Variants in ERBB4 observed in about 807,000 individuals in gnomAD.
ERBB4 encodes the protein receptor tyrosine-protein kinase erbB-4.
ERBB4 carries 42 observed loss-of-function variants against 158.0 expected under a neutral mutation model. The ratio of observed to expected loss-of-function variants is 0.27; its 90% CI spans 0.21 to 0.34. The LOEUF (loss-of-function observed/expected upper bound fraction) is 0.34, where lower values mean the gene tolerates loss of function less well. Ranked by LOEUF, ERBB4 falls within the 10% of genes least tolerant of loss-of-function variation. The pLI is 1.00. For synonymous variants in ERBB4, 583 were observed against 558.7 expected (o/e 1.04, Z -0.61); for missense variants, 1,333 against 1,624.1 (o/e 0.82, Z 3.08).
At chr2:212,151,319 A>G (rs946535277) in intron 1 of ERBB4, among the ~76,000 whole-genome samples, 1 of 151,074 alleles carries the variant, frequency 6.6e-6, no homozygotes, top group Non-Finnish European at 1.5e-5. Flanking sequence ...ATAGCAATAT[A>G]TAAGTGCTTT....
At chr2:211,877,376 AT>A (rs1559602887) in intron 3 of ERBB4, among the ~76,000 whole-genome samples, 2 of 152,146 alleles carry the variant, frequency 1.3e-5, no homozygotes, top group African/African-American at 4.8e-5. Context: ...AAAGAAATAT[AT>A]TTTTATTTAA....
chr2:211,932,811 C>A (rs1254312054), intron 3 of ERBB4, among the ~76,000 whole-genome samples: 1 of 151,882 alleles, frequency 6.6e-6, no homozygotes, highest in Admixed American at 6.6e-5. Context: ...TAAAGTTACA[C>A]TAAATCTCTC....
intron 4 of ERBB4, among the ~76,000 whole-genome samples, chr2:211,758,951 C>T (rs1450969628): frequency 1.3e-5 from 2 of 152,310 alleles, no homozygotes; most frequent in Non-Finnish European, 2.9e-5. Context: ...CAACTGCTTA[C>T]GAACCATCTC....
chr2:212,260,506 T>C (rs1162995094), intron 1 of ERBB4, among the ~76,000 whole-genome samples: 2 of 152,128 alleles, frequency 1.3e-5, no homozygotes, highest in Admixed American at 6.6e-5. Flanking sequence ...TTGTAAGTAA[T>C]GGTGATGGTA....
intron 1 of ERBB4, among the ~76,000 whole-genome samples, chr2:212,213,251 G>C (rs1382560200): frequency 6.6e-6 from 1 of 151,754 alleles, no homozygotes; most frequent in African/African-American, 2.4e-5. Context: ...AAGTGGGAAA[G>C]GGATATGAAC....
intron 20 of ERBB4, among the ~76,000 whole-genome samples, chr2:211,518,828 G>A (rs146534357): frequency 6.6e-6 from 1 of 152,092 alleles, no homozygotes; most frequent in Non-Finnish European, 1.5e-5. Context: ...GGGTTTTTTT[G>A]TCAGGCTTAA....
intron 1 of ERBB4, among the ~76,000 whole-genome samples, chr2:212,477,944 C>A (rs764680123): frequency 6.6e-6 from 1 of 152,044 alleles, no homozygotes; most frequent in Non-Finnish European, 1.5e-5. Context: ...TGTTTACCTG[C>A]TTATTTTTAG....
chr2:211,459,896 C>T (rs893738255), intron 20 of ERBB4, among the ~76,000 whole-genome samples: 4 of 152,156 alleles, frequency 2.6e-5, no homozygotes, highest in African/African-American at 9.6e-5. Context: ...AATATATACA[C>T]ACATCGTGCA....
At chr2:212,044,486 G>T (rs1166394697) in intron 2 of ERBB4, among the ~76,000 whole-genome samples, 1 of 151,998 alleles carries the variant, frequency 6.6e-6, no homozygotes, top group African/African-American at 2.4e-5. Flanking sequence ...CAGAGTTACT[G>T]TATTTCCTTC....
intron 1 of ERBB4, among the ~76,000 whole-genome samples, chr2:212,375,025 T>C (rs1455582199): frequency 6.6e-6 from 1 of 152,046 alleles, no homozygotes; most frequent in Non-Finnish European, 1.5e-5. Flanking sequence ...GAGGAATATA[T>C]TGACCTGCAA....
intron 2 of ERBB4, among the ~76,000 whole-genome samples, chr2:212,087,155 T>A (rs754304692): frequency 6.6e-6 from 1 of 151,614 alleles, no homozygotes; most frequent in Non-Finnish European, 1.5e-5. Flanking sequence ...TGACCTCTTA[T>A]GACATCAACA....
chr2:211,563,948 A>G (rs1003790820), intron 19 of ERBB4, among the ~76,000 whole-genome samples: 1 of 152,212 alleles, frequency 6.6e-6, no homozygotes, highest in Non-Finnish European at 1.5e-5. Flanking sequence ...ATTTTCTATA[A>G]CTTTGAAACA....
At chr2:212,305,904 T>C (rs2086792290) in intron 1 of ERBB4, among the ~76,000 whole-genome samples, 1 of 151,410 alleles carries the variant, frequency 6.6e-6, no homozygotes, top group Non-Finnish European at 1.5e-5. Context: ...TGAGAAAATA[T>C]GATTGTAAAA....
chr2:211,756,119 A>AG (rs954041970), intron 4 of ERBB4, among the ~76,000 whole-genome samples: 5 of 152,064 alleles, frequency 3.3e-5, no homozygotes, highest in African/African-American at 7.2e-5. Flanking sequence ...GGGTTCAGGG[A>AG]GGGGGGATAA....
At chr2:211,637,579 A>G (rs1374444156) in intron 16 of ERBB4, among the ~76,000 whole-genome samples, 3 of 151,922 alleles carry the variant, frequency 2.0e-5, no homozygotes, top group Non-Finnish European at 4.4e-5. Context: ...GGCTTTTTTG[A>G]TCCTATATAC....
intron 1 of ERBB4, among the ~76,000 whole-genome samples, chr2:212,388,350 G>C (rs2090746306): frequency 6.6e-6 from 1 of 152,074 alleles, no homozygotes; most frequent in African/African-American, 2.4e-5. Context: ...GTCAGAATAG[G>C]ACAAAGCATA....
intron 2 of ERBB4, among the ~76,000 whole-genome samples, chr2:211,950,543 T>C (rs1308287533): frequency 1.3e-5 from 2 of 152,154 alleles, no homozygotes; most frequent in African/African-American, 2.4e-5. Flanking sequence ...AAATAAAATA[T>C]GTGAGCCTCT....
chr2:212,129,427 TA>T (rs2080040268), intron 1 of ERBB4, among the ~76,000 whole-genome samples: 1 of 149,118 alleles, frequency 6.7e-6, no homozygotes, highest in Non-Finnish European at 1.5e-5. Flanking sequence ...ATATCCAATA[TA>T]ATATAATATT....
chr2:212,331,138 G>A (rs930151739), intron 1 of ERBB4, among the ~76,000 whole-genome samples: 2 of 139,184 alleles, frequency 1.4e-5, no homozygotes, highest in Non-Finnish European at 3.1e-5. Flanking sequence ...TTTTGCATGG[G>A]CATATATAAC....
Sources: allele counts gnomAD v4.1 joint callset (sites outside exome capture counted in the v4.1 genomes callset), GRCh38; gene constraint gnomAD v4.1.1; transcripts MANE v1.5; gene names NCBI Gene and HGNC (gene_info 2026-07-23, HGNC 2026-07-21).